SHOX: variants seen among roughly 807,000 people sequenced by gnomAD.
SHOX encodes SHOX homeobox, also known as short stature homeobox protein.
Under a neutral mutation model 29.6 loss-of-function variants are expected in SHOX, and 12 were observed. That is an observed-to-expected ratio of 0.41 (90% CI 0.26 to 0.66). SHOX has a LOEUF of 0.66. Among genes scored for constraint, SHOX ranks in the 30% least tolerant of loss-of-function variants. The probability of loss-of-function intolerance (pLI) is 0.35; values close to 1 mark genes in which losing one functional copy is unlikely to be tolerated. For missense variants in SHOX, 499 were observed against 437.7 expected (o/e 1.14, Z -1.25); for synonymous variants, 214 against 200.6 (o/e 1.07, Z -0.57).
chrX:658,177 G>A (rs1379648011), intron 5 of SHOX, among the ~76,000 whole-genome samples: 1 of 151,992 alleles, frequency 6.6e-6, no homozygotes, highest in East Asian at 1.9e-4. Context: ...GTTTTACCAT[G>A]TTGGCCAGGC....
At chrX:629,471 GTCTTTCCTTGTCTCTCTCTT>G (rs1365404920), upstream of SHOX, among the ~76,000 whole-genome samples, 2 of 123,644 alleles carry the variant, frequency 1.6e-5, no homozygotes, top group African/African-American at 6.2e-5. Flanking sequence ...CTTTCTCTCT[GTCTTTCCTTGTCTCTCTCTT>G]TCTCTCTCTC....
chrX:636,550 T>C (rs192298426), intron 2 of SHOX, among the ~76,000 whole-genome samples: 73 of 14,878 alleles, frequency 4.9e-3, no homozygotes, highest in African/African-American at 0.042. Flanking sequence ...TATAAAAATA[T>C]ATATAAACAT....
At chrX:651,926 A>AT (rs61105511), downstream of SHOX, among the ~76,000 whole-genome samples, 349 of 148,420 alleles carry the variant, frequency 2.4e-3, 1 homozygote, top group South Asian at 6.2e-3. Context: ...TAATTAATTT[A>AT]TTTTTTTTTT....
intron 4 of SHOX, among the ~76,000 whole-genome samples, chrX:642,298 C>T (rs1032287249): frequency 1.4e-5 from 2 of 147,234 alleles, no homozygotes; most frequent in African/African-American, 5.2e-5. Flanking sequence ...GCGGAACGGG[C>T]TTGGGGGGGG....
downstream of SHOX, among the ~76,000 whole-genome samples, chrX:655,648 A>G (rs1181745067): frequency 1.7e-5 from 2 of 114,844 alleles, no homozygotes; most frequent in Non-Finnish European, 3.6e-5. Flanking sequence ...ATATATATAT[A>G]TATATATATG....
chrX:636,248 T>C (rs2052745733), intron 2 of SHOX, among the ~76,000 whole-genome samples: 1 of 144,466 alleles, frequency 6.9e-6, no homozygotes, highest in African/African-American at 2.5e-5. Flanking sequence ...TATAAACATA[T>C]ATAATATATA....
chrX:640,027 C>T (rs996032958), intron 2 of SHOX, among the ~76,000 whole-genome samples: 15 of 147,502 alleles, frequency 1.0e-4, no homozygotes, highest in African/African-American at 3.8e-4. Context: ...AAAAACAAAA[C>T]AAAAATCAAA....
rs1400193885 is a variant in SHOX, at chrX:646,850, AAAG to A, written c.*2220_*2222del. 1 of 152,188 alleles carries A rather than the reference AAAG, an allele frequency of 6.6e-6. No homozygotes were observed. The highest frequency in any genetic ancestry group is 1.5e-5 in the Non-Finnish European group (1 of 68,030). The allele number at this position is 152,188 out of a possible 1,614,324, so 9.4% of individuals were successfully genotyped here. The stretch of plus-strand genomic sequence containing the variant: ...ATAGTTAAGCTGAAATTTTTATCGA[AAAG>A]AAGAATTGCATTTTGAATCTTTGGG... On this transcript the variant is annotated 3_prime_UTR_variant, in exon 5 of 5. Transcript: ENST00000686671.
chrX:624,582 G>C (rs770337925), exon 1 of SHOX: 6 of 152,082 alleles, frequency 3.9e-5, no homozygotes, highest in Non-Finnish European at 5.9e-5. Flanking sequence ...GGGCGCGCTC[G>C]GGGCCTGCGC....
upstream of SHOX, among the ~76,000 whole-genome samples, chrX:629,618 C>A (rs1428965651): frequency 6.6e-6 from 1 of 152,092 alleles, no homozygotes; most frequent in African/African-American, 2.4e-5. Context: ...CCCAACCCAC[C>A]GTCACTCATG....
chrX:624,737 C>CTTTCTTTCTTTCTTTCT (rs2052475756), intron 1 of SHOX: 2 of 40,830 alleles, frequency 4.9e-5, no homozygotes, highest in Non-Finnish European at 9.1e-5. Context: ...TTCTTTCTTT[C>CTTTCTTTCTTTCTTTCT]TTTTCTTTCT....
upstream of SHOX, among the ~76,000 whole-genome samples, chrX:630,313 C>CA (rs757518095): frequency 6.6e-6 from 1 of 150,960 alleles, no homozygotes; most frequent in Non-Finnish European, 1.5e-5. Flanking sequence ...CCGGATCCCC[C>CA]CCTCGCCATC....
chrX:652,546 G>A (rs374710563), downstream of SHOX, among the ~76,000 whole-genome samples: 1 of 151,900 alleles, frequency 6.6e-6, no homozygotes, highest in Admixed American at 6.6e-5. Flanking sequence ...TCTGTGGGGG[G>A]CTCAGAGCCT....
chrX:634,267 T>C (rs1270356323), intron 1 of SHOX, among the ~76,000 whole-genome samples: 4 of 152,198 alleles, frequency 2.6e-5, no homozygotes, highest in South Asian at 2.1e-4. Context: ...GATCCCACAG[T>C]TGGCAGCTCT....
At position 649,594 on chromosome X, in the gene SHOX, T is replaced by TC. The variant is rs1222476961; in HGVS notation, c.*4961dup. ...TCACGTTCCTGCTTTCCCTGTGGCT[T>TC]CCCGGTGAGCTCGCTCGCAGAGCAA... On this transcript the variant is annotated 3_prime_UTR_variant, in exon 5 of 5. Transcript: ENST00000686671. Among the ~76,000 whole-genome samples the TC allele has an allele frequency of 6.6e-6, 1 of 152,138 alleles. No homozygotes were observed. The highest frequency in any genetic ancestry group is 1.5e-5 in the Non-Finnish European group (1 of 68,026).
Position 645,065 on chromosome X carries a change from C to T in SHOX, c.*429C>T. The stretch of plus-strand genomic sequence containing the variant: ...GATGAAAATGCCATTTCTTCGTTGC[C>T]AACGATTTTCTTTACTACCATGCTC... On this transcript the variant is annotated 3_prime_UTR_variant, in exon 5 of 5. Coordinates refer to ENST00000686671, the MANE Select transcript of SHOX (RefSeq NM_000451.4). The T allele has an allele frequency of 5.9e-6, 1 of 169,406 alleles. No individual in the cohort carries two copies. Among genetic ancestry groups the T allele is most frequent in the Non-Finnish European group, 1.2e-5 (1 of 80,298 alleles). The allele number at this position is 169,406 out of a possible 1,614,324, so 10.5% of individuals were successfully genotyped here. A position where few individuals can be genotyped will look rare whatever the true frequency, so the allele number is the denominator to read the frequency against.
intron 1 of SHOX, chrX:631,923 G>A (rs760069029): frequency 4.6e-5 from 21 of 455,966 alleles, no homozygotes; most frequent in South Asian, 2.9e-4. Context: ...CCGTCTCCAC[G>A]CGCCTTCCCA....
rs1191643378 is a variant in SHOX at position 646,313 on chromosome X, G to C, written c.*1677G>C. The C allele has an allele frequency of 2.0e-5, 3 of 151,858 alleles. No individual in the cohort carries two copies. Among genetic ancestry groups the C allele is most frequent in the Non-Finnish European group, 4.4e-5 (3 of 67,992 alleles). 9.4% of individuals were successfully genotyped at this position (151,858 alleles called of 1,614,324 possible). A position where few individuals can be genotyped will look rare whatever the true frequency, so the allele number is the denominator to read the frequency against. ...TTCCATGTTCTGATTGGTTTTCTGG[G>C]AACACAGCAAGGGGTTTGGTGACCT... On this transcript the variant is annotated 3_prime_UTR_variant, in exon 5 of 5. Coordinates refer to ENST00000686671, the MANE Select transcript of SHOX (RefSeq NM_000451.4).
chrX:643,133 C>CT (rs1307827186), intron 4 of SHOX, among the ~76,000 whole-genome samples: 2 of 146,022 alleles, frequency 1.4e-5, no homozygotes, highest in African/African-American at 5.1e-5. Context: ...CTTGGAGAGG[C>CT]TTGGGGACCT....
Sources: allele counts gnomAD v4.1 joint callset (sites outside exome capture counted in the v4.1 genomes callset), GRCh38; gene constraint gnomAD v4.1.1; transcripts MANE v1.5; gene names NCBI Gene and HGNC (gene_info 2026-07-23, HGNC 2026-07-21).